The following TRMO variants were observed in gnomAD, a reference collection of about 807,000 sequenced individuals.
The protein encoded by TRMO is tRNA methyltransferase O.
A neutral mutation model predicts 37.2 loss-of-function variants in TRMO; 30 were observed. That is an observed-to-expected ratio of 0.81 (90% CI 0.60 to 1.09). The LOEUF is 1.09. Among genes scored for constraint, TRMO ranks in the 50% least tolerant of loss-of-function variants. TRMO has a pLI of 0.00. For synonymous variants in TRMO, 239 were observed against 199.4 expected (o/e 1.20, Z -1.67); for missense variants, 552 against 549.5 (o/e 1.00, Z -0.05).
chr9:97,908,206 A>G (rs962960508), intron 4 of TRMO, among the ~76,000 whole-genome samples: 8 of 152,090 alleles, frequency 5.3e-5, no homozygotes, highest in Admixed American at 3.3e-4. Context: ...AGGTCAGGAG[A>G]TCGAGACCAT....
At chr9:97,913,356 T>C (rs1269389523) in intron 3 of TRMO, 45 bp downstream of exon 3, 1 of 1,611,528 alleles carries the variant, frequency 6.2e-7, no homozygotes, top group Admixed American at 1.7e-5. Context: ...TTATAAGGCT[T>C]TTTTGGGTGA....
At chr9:97,916,103 G>T (rs1003848764) in intron 2 of TRMO, 61 bp downstream of exon 2, 2 of 1,311,770 alleles carry the variant, frequency 1.5e-6, no homozygotes, top group Non-Finnish European at 2.1e-6. Context: ...TTCAACTAGA[G>T]TACTTTATTC....
intron 3 of TRMO, chr9:97,911,093 T>A (rs1826104801): frequency 6.0e-6 from 2 of 333,478 alleles, no homozygotes; most frequent in South Asian, 4.5e-5. Flanking sequence ...TGAAGGTTCT[T>A]ACTGTGGCAA....
chr9:97,900,005 C>T (rs1035328028), downstream of TRMO, among the ~76,000 whole-genome samples: 2 of 151,968 alleles, frequency 1.3e-5, no homozygotes, highest in Admixed American at 1.3e-4. Context: ...TGCAGTGAGC[C>T]GTGATTGCAC....
intron 1 of TRMO, among the ~76,000 whole-genome samples, chr9:97,921,733 A>G (rs1826647054): frequency 6.6e-6 from 1 of 152,154 alleles, no homozygotes; most frequent in African/African-American, 2.4e-5. Flanking sequence ...CCAAAGTGTT[A>G]TAATTAACAT....
chr9:97,900,062 A>G (rs1275717846), downstream of TRMO, among the ~76,000 whole-genome samples: 4 of 151,944 alleles, frequency 2.6e-5, no homozygotes, highest in Non-Finnish European at 5.9e-5. Flanking sequence ...CTCAAAAAAC[A>G]AAACAAAACA....
chr9:97,913,865 G>C (rs935659438), intron 2 of TRMO: 3 of 250,976 alleles, frequency 1.2e-5, no homozygotes, highest in African/African-American at 6.8e-5. Flanking sequence ...TTGCCAGGTA[G>C]TACGGTAAAA....
intron 4 of TRMO, among the ~76,000 whole-genome samples, chr9:97,908,730 C>G (rs528542217): frequency 2.3e-4 from 35 of 152,216 alleles, no homozygotes; most frequent in African/African-American, 8.2e-4. Flanking sequence ...TTTAATTTGT[C>G]TCTCTCCTCC....
the TRMO span, among the ~76,000 whole-genome samples, chr9:97,897,863 A>T: frequency 0.73 from 110,268 of 151,594 alleles, 41,546 homozygotes; most frequent in East Asian, 0.98. Flanking sequence ...AATTTTTTTT[A>T]AATTTTTTTT....
the TRMO span, among the ~76,000 whole-genome samples, chr9:97,897,912 A>AGT: frequency 6.6e-6 from 1 of 152,104 alleles, no homozygotes; most frequent in East Asian, 1.9e-4. Flanking sequence ...ACTGGAGGAC[A>AGT]GTGGCATGAT....
intron 3 of TRMO, 156 bp from the exon 4 acceptor site, chr9:97,910,772 CCTGGT>C: frequency 1.2e-6 from 1 of 812,570 alleles, no homozygotes; most frequent in South Asian, 1.8e-5. Flanking sequence ...CTTCTTGCTA[CCTGGT>C]AGCCCATCCT....
the TRMO span, among the ~76,000 whole-genome samples, chr9:97,898,677 C>T: frequency 3.9e-5 from 6 of 152,014 alleles, no homozygotes; most frequent in South Asian, 6.2e-4. Context: ...CATGAGCTGC[C>T]GTGCCCCACC....
chr9:97,916,017 G>A (rs1342293965), intron 2 of TRMO, 147 bp downstream of exon 2: 3 of 551,396 alleles, frequency 5.4e-6, no homozygotes, highest in East Asian at 6.3e-5. Context: ...CTCCAACCTG[G>A]GTGACAGAGA....
downstream of TRMO, chr9:97,904,479 C>A (rs1049611951): frequency 8.0e-7 from 1 of 1,254,694 alleles, no homozygotes; most frequent in Non-Finnish European, 1.0e-6. Context: ...CAGAAATTAT[C>A]GAGACAGCAT....
At chr9:97,904,065 G>C (rs762404481), downstream of TRMO, among the ~76,000 whole-genome samples, 1 of 152,190 alleles carries the variant, frequency 6.6e-6, no homozygotes, top group Non-Finnish European at 1.5e-5. Flanking sequence ...CTGGGCGAAA[G>C]AGCAAGACTC....
rs559852930 is a variant in TRMO, at chr9:97,920,125, C to A, written c.76+2293G>T. On this transcript the variant is annotated intron_variant, in intron 1 of 4. Coordinates refer to ENST00000375119, the MANE Select transcript of TRMO (RefSeq NM_016481.5). ...TATCTCAAAACGACAACAACAAAAA[C>A]CCAAAAGAACAGTAAACACCTACCA... 6.8e-4 allele frequency among the ~76,000 whole-genome samples: 104 copies of A among 152,298 alleles called. No homozygotes were observed. In the South Asian group the frequency reaches 0.021, roughly 30 times the overall value.
Position 97,910,513 on chromosome 9 carries a change from C to T in TRMO, c.513G>A (p.Glu171=), listed in dbSNP as rs370124786. ...TCTGTAAATTAAAGTCTGCTAAAGG[C>T]TCCATCACATTTTGCGGTGAGTCAT... ...AEYDSPQNVM[E]PLADFNLQNN... The change falls in exon 4 of 5, where the codon GAG becomes GAA. Residue 171 remains glutamate (E), a synonymous_variant. Transcript: ENST00000375119. 24 of 1,614,208 alleles carry T rather than the reference C, an allele frequency of 1.5e-5. No homozygotes were observed. The highest frequency in any genetic ancestry group is 2.0e-5 in the Non-Finnish European group (24 of 1,180,046).
the TRMO span, among the ~76,000 whole-genome samples, chr9:97,898,096 C>T: frequency 6.6e-6 from 1 of 152,184 alleles, no homozygotes. Context: ...GGTGTAAGCT[C>T]ATATGCCAAG....
chr9:97,922,312 C>T (rs1826690921), intron 1 of TRMO, 106 bp downstream of exon 1: 1 of 751,524 alleles, frequency 1.3e-6, no homozygotes, highest in Non-Finnish European at 2.2e-6. Context: ...AAAAGAATGA[C>T]GCACGTCAGT....
Sources: gnomAD v4.1 joint callset for allele counts (sites outside exome capture counted in the v4.1 genomes callset) on GRCh38, gnomAD v4.1.1 for gene constraint, MANE v1.5 for transcripts, NCBI Gene and HGNC (gene_info 2026-07-23, HGNC 2026-07-21) for gene names.